PEX14: variants seen among roughly 807,000 people sequenced by gnomAD.
PEX14 encodes peroxisomal membrane protein PEX14.
A neutral mutation model predicts 49.5 loss-of-function variants in PEX14; 15 were observed. That is an observed-to-expected ratio of 0.30 (90% confidence interval 0.20 to 0.47). PEX14 has a LOEUF of 0.47. Among genes scored for constraint, PEX14 ranks in the 20% least tolerant of loss-of-function variants. PEX14 has a pLI of 1.00. For missense variants in PEX14, 398 were observed against 494.8 expected (o/e 0.80, Z 1.86); for synonymous variants, 210 against 212.7 (o/e 0.99, Z 0.11).
intron 3 of PEX14, among the ~76,000 whole-genome samples, chr1:10,586,628 CTTTT>C (rs35743829): frequency 4.3e-5 from 4 of 93,012 alleles, no homozygotes; most frequent in African/African-American, 1.1e-4. Context: ...AGCCGTTTAC[CTTTT>C]TTTTTTTTTT....
intron 3 of PEX14, among the ~76,000 whole-genome samples, chr1:10,573,050 G>A (rs771681970): frequency 2.8e-4 from 42 of 152,152 alleles, no homozygotes; most frequent in Non-Finnish European, 5.0e-4. Flanking sequence ...TCTGAGCACA[G>A]AAAAAAGGTA....
In PEX14 at chr1:10,539,895, C is replaced by CT. The variant is rs1207255052; in HGVS notation, c.169+3599dup. Among the ~76,000 whole-genome samples the CT allele has an allele frequency of 6.6e-6, 1 of 152,140 alleles. No individual in the cohort carries two copies. The highest frequency in any genetic ancestry group is 6.5e-5 in the Admixed American group (1 of 15,272). On this transcript the variant is annotated intron_variant, in intron 3 of 8. Coordinates refer to ENST00000356607, the MANE Select transcript of PEX14 (RefSeq NM_004565.3). This position sits in a 1 kb window ranked among gnomAD's most constrained non-coding sequence, Gnocchi z 4.6. The stretch of plus-strand genomic sequence containing the variant: ...GGATAGAGTTGTCTGTTAACTTACT[C>CT]TAACATATCTGTTGCAAAGCAAGCT...
intron 3 of PEX14, among the ~76,000 whole-genome samples, chr1:10,571,998 C>G (rs1231792465): frequency 6.6e-6 from 1 of 152,066 alleles, no homozygotes; most frequent in Non-Finnish European, 1.5e-5. Flanking sequence ...AAACAGAACA[C>G]GGAGCTTCCA....
At chr1:10,593,499 G>A (rs1570320959) in intron 3 of PEX14, among the ~76,000 whole-genome samples, 1 of 152,046 alleles carries the variant, frequency 6.6e-6, no homozygotes. Flanking sequence ...AAGATGATGG[G>A]AAACAGCCCC....
intron 3 of PEX14, among the ~76,000 whole-genome samples, chr1:10,579,513 C>T (rs776640382): frequency 1.3e-4 from 20 of 151,922 alleles, no homozygotes; most frequent in Non-Finnish European, 2.1e-4. Context: ...GAATTCTGGG[C>T]GAGTCTGCGG....
chr1:10,610,182 G>C (rs1461516979), intron 4 of PEX14, among the ~76,000 whole-genome samples: 1 of 148,390 alleles, frequency 6.7e-6, no homozygotes, highest in African/African-American at 2.5e-5. Context: ...TGTGATTCAT[G>C]GTTTTTGCAT....
At chr1:10,530,835 A>G (rs1055676381) in intron 2 of PEX14, among the ~76,000 whole-genome samples, 1 of 152,084 alleles carries the variant, frequency 6.6e-6, no homozygotes, top group Non-Finnish European at 1.5e-5. Context: ...AGCTGGGGAA[A>G]TCCTGGATTG....
chr1:10,550,164 G>T (rs1639295112), intron 3 of PEX14, among the ~76,000 whole-genome samples: 3 of 152,190 alleles, frequency 2.0e-5, no homozygotes, highest in Non-Finnish European at 4.4e-5. Context: ...GGGTGGGGTA[G>T]GTTTGCATTG....
At chr1:10,548,148 C>T (rs547737382) in intron 3 of PEX14, among the ~76,000 whole-genome samples, 2 of 152,284 alleles carry the variant, frequency 1.3e-5, no homozygotes, top group East Asian at 3.9e-4. Context: ...ACCCTGGAGG[C>T]GGAGGTTGCA....
intron 2 of PEX14, among the ~76,000 whole-genome samples, chr1:10,523,515 G>A (rs868733430): frequency 4.6e-5 from 7 of 152,004 alleles, no homozygotes; most frequent in Non-Finnish European, 1.0e-4. Flanking sequence ...AAATGGCACA[G>A]GTAGGGGGTC....
At chr1:10,573,675 G>A (rs887867190) in intron 3 of PEX14, among the ~76,000 whole-genome samples, 3 of 152,120 alleles carry the variant, frequency 2.0e-5, no homozygotes, top group Non-Finnish European at 4.4e-5. Context: ...TAAAAAGCTG[G>A]CACTTTCTAC....
chr1:10,476,322 C>T (rs1641193498), intron 1 of PEX14, among the ~76,000 whole-genome samples: 1 of 152,190 alleles, frequency 6.6e-6, no homozygotes, highest in African/African-American at 2.4e-5. Flanking sequence ...CTGATTCTGG[C>T]CTTCTCACTG....
chr1:10,526,594 GTTGAGTATTCTTGA>G (rs1451339725), intron 2 of PEX14, among the ~76,000 whole-genome samples: 3 of 152,108 alleles, frequency 2.0e-5, no homozygotes, highest in Admixed American at 1.3e-4. Context: ...GGTAATACAG[GTTGAGTATTCTTGA>G]TCCCAAATGC....
chr1:10,487,588 G>A (rs1641393827), intron 1 of PEX14, among the ~76,000 whole-genome samples: 1 of 145,082 alleles, frequency 6.9e-6, no homozygotes, highest in African/African-American at 2.5e-5. Context: ...AGGTTCAAGC[G>A]ATTCTCCTGC....
chr1:10,480,986 A>G (rs920582020), intron 1 of PEX14, among the ~76,000 whole-genome samples: 2 of 151,940 alleles, frequency 1.3e-5, no homozygotes, highest in African/African-American at 2.4e-5. Context: ...CCACAATATC[A>G]TTATCACACA....
At chr1:10,482,712 A>G (rs144941849) in intron 1 of PEX14, among the ~76,000 whole-genome samples, 1,744 of 152,066 alleles carry the variant, frequency 0.011, 36 homozygotes, top group African/African-American at 0.04. Context: ...GATTACAAGC[A>G]TGAGCCACCG....
chr1:10,607,204 T>C (rs1238474275), intron 4 of PEX14, among the ~76,000 whole-genome samples: 1 of 152,018 alleles, frequency 6.6e-6, no homozygotes, highest in Non-Finnish European at 1.5e-5. Flanking sequence ...TTCACCCAAA[T>C]TGCTGTGCGC....
At position 10,529,251 on chromosome 1, in the gene PEX14, C is replaced by T. The variant is rs975257666; in HGVS notation, c.85-6962C>T. On this transcript the variant is annotated intron_variant, in intron 2 of 8. Coordinates refer to ENST00000356607, the MANE Select transcript of PEX14 (RefSeq NM_004565.3). This position sits in a 1 kb window ranked among gnomAD's most constrained non-coding sequence, Gnocchi z 4.2. ...AAGGGTTTCATTTCTTCCAGGCCGGCGTGTACTCCACAGCTCCTTCTGTGG... is the reference window on the plus strand; with the variant it reads ...AAGGGTTTCATTTCTTCCAGGCCGGTGTGTACTCCACAGCTCCTTCTGTGG... Among the ~76,000 whole-genome samples, 3 of 152,228 alleles carry T rather than the reference C, an allele frequency of 2.0e-5. No homozygotes were observed. Among genetic ancestry groups the T allele is most frequent in the African/African-American group, 7.2e-5 (3 of 41,454 alleles).
At chr1:10,530,012 G>T (rs1390940233) in intron 2 of PEX14, among the ~76,000 whole-genome samples, 1 of 152,160 alleles carries the variant, frequency 6.6e-6, no homozygotes. Context: ...TTACCCAGGT[G>T]CAGGAGGCTA....
Sources: allele counts gnomAD v4.1 joint callset (sites outside exome capture counted in the v4.1 genomes callset), GRCh38; gene constraint gnomAD v4.1.1; non-coding constraint Gnocchi (gnomAD v3.1); transcripts MANE v1.5; gene names NCBI Gene and HGNC (gene_info 2026-07-23, HGNC 2026-07-21).